The following BBX variants were observed in gnomAD, a reference collection of about 807,000 sequenced individuals.
BBX encodes HMG box transcription factor BBX.
A neutral mutation model predicts 100.2 loss-of-function variants in BBX; 30 were observed. That is an observed-to-expected ratio of 0.30 (90% CI 0.22 to 0.41). The LOEUF (loss-of-function observed/expected upper bound fraction) is 0.41. Among genes scored for constraint, BBX ranks in the 10% least tolerant of loss-of-function variants. The probability of loss-of-function intolerance (pLI) is 1.00; values close to 1 mark genes in which losing one functional copy is unlikely to be tolerated. For synonymous variants in BBX, 376 were observed against 388.1 expected, an observed-to-expected ratio of 0.97 and a Z score of 0.37; for missense variants, 1,023 against 1,129.8, an observed-to-expected ratio of 0.91 and a Z score of 1.35.
At chr3:107,655,090 A>G (rs1050764321) in intron 3 of BBX, among the ~76,000 whole-genome samples, 1 of 152,206 alleles carries the variant, frequency 6.6e-6, no homozygotes, top group African/African-American at 2.4e-5. Context: ...TCTTTATTGA[A>G]TACAAGATGG....
intron 2 of BBX, among the ~76,000 whole-genome samples, chr3:107,603,009 G>T (rs1400342017): frequency 6.6e-6 from 1 of 152,176 alleles, no homozygotes; most frequent in Non-Finnish European, 1.5e-5. Flanking sequence ...TGTCATTCAG[G>T]CTGGAGTGCA....
chr3:107,678,361 T>C (rs2059391822), intron 3 of BBX, among the ~76,000 whole-genome samples: 1 of 152,126 alleles, frequency 6.6e-6, no homozygotes, highest in Non-Finnish European at 1.5e-5. Flanking sequence ...ATCTGGTTAA[T>C]AGTAGGTTCT....
intron 2 of BBX, among the ~76,000 whole-genome samples, chr3:107,553,986 C>T (rs1003882042): frequency 6.6e-6 from 1 of 151,936 alleles, no homozygotes; most frequent in Non-Finnish European, 1.5e-5. Flanking sequence ...AGTTAATTAC[C>T]CTATTTGTCT....
intron 10 of BBX, among the ~76,000 whole-genome samples, chr3:107,770,727 A>G (rs373506548): frequency 2.6e-5 from 4 of 152,268 alleles, no homozygotes; most frequent in African/African-American, 9.6e-5. Flanking sequence ...CTTCCCTGTG[A>G]ATGATCCGAA....
intron 10 of BBX, among the ~76,000 whole-genome samples, chr3:107,771,390 C>G (rs978615490): frequency 1.8e-5 from 2 of 111,518 alleles, no homozygotes; most frequent in Non-Finnish European, 3.8e-5. Context: ...CTTGAATGTT[C>G]TGTACGTGAA....
intron 3 of BBX, among the ~76,000 whole-genome samples, chr3:107,692,323 C>T (rs1347155073): frequency 2.0e-5 from 3 of 151,938 alleles, no homozygotes; most frequent in Non-Finnish European, 4.4e-5. Flanking sequence ...TTACGTATAC[C>T]TCTCAATGCT....
chr3:107,523,229 C>T (rs2047487940), intron 1 of BBX, 122 bp downstream of exon 1: 2 of 223,458 alleles, frequency 9.0e-6, no homozygotes, highest in East Asian at 1.2e-4. Flanking sequence ...GCGGCGGCGG[C>T]GGCGGCGGCG....
chr3:107,634,450 C>T (rs1465068647), intron 2 of BBX, among the ~76,000 whole-genome samples: 1 of 152,096 alleles, frequency 6.6e-6, no homozygotes. Context: ...AAAGCGCGAC[C>T]TAATTAATTA....
At chr3:107,641,087 C>CTTT (rs11403529) in intron 2 of BBX, among the ~76,000 whole-genome samples, 5 of 139,434 alleles carry the variant, frequency 3.6e-5, no homozygotes, top group African/African-American at 7.9e-5. Context: ...TCTTTTCTTT[C>CTTT]TTTTTTTTTT....
intron 2 of BBX, among the ~76,000 whole-genome samples, chr3:107,571,303 C>A (rs536839211): frequency 6.6e-6 from 1 of 152,244 alleles, no homozygotes; most frequent in East Asian, 1.9e-4. Context: ...CCAAGGCAGG[C>A]ATCCCCACGG....
intron 2 of BBX, among the ~76,000 whole-genome samples, chr3:107,612,721 C>T (rs1027649005): frequency 1.3e-5 from 2 of 152,140 alleles, no homozygotes; most frequent in African/African-American, 4.8e-5. Flanking sequence ...TGGGTCTTGC[C>T]GAGGCCTGCT....
chr3:107,664,800 TAGAG>T (rs1485616354), intron 3 of BBX, among the ~76,000 whole-genome samples: 1 of 152,222 alleles, frequency 6.6e-6, no homozygotes, highest in Non-Finnish European at 1.5e-5. Context: ...CTTGTTGAGA[TAGAG>T]AAAGAGTGAC....
intron 13 of BBX, among the ~76,000 whole-genome samples, chr3:107,788,047 A>T (rs572720369): frequency 5.3e-5 from 8 of 152,310 alleles, no homozygotes; most frequent in Non-Finnish European, 1.2e-4. Context: ...CTTTTCATAT[A>T]CACCCAATAT....
chr3:107,731,222 A>G (rs1022188772), intron 6 of BBX, among the ~76,000 whole-genome samples: 3 of 152,214 alleles, frequency 2.0e-5, no homozygotes, highest in Non-Finnish European at 2.9e-5. Context: ...GTATCTATAC[A>G]GCAAACTTCT....
Position 107,773,773 on chromosome 3 carries a change from T to C in BBX, c.1915+137T>C. On this transcript the variant is annotated intron_variant, in intron 11 of 17. Transcript: ENST00000325805. This position sits in a 1 kb window ranked among gnomAD's most constrained non-coding sequence, Gnocchi z 4.1. ...TACATTTGTATATTTCTTTATGGTT[T>C]ATAGATCATAATTATTTGTTACTTT... The C allele has an allele frequency of 2.5e-6, 2 of 808,168 alleles. No homozygotes were observed. The highest frequency in any genetic ancestry group is 3.8e-6 in the Non-Finnish European group (2 of 532,016). 50.1% of individuals were successfully genotyped at this position (808,168 alleles called of 1,614,324 possible).
In BBX at chr3:107,797,364, A is replaced by ATATG. The variant is rs71113691; in HGVS notation, c.2354-1159_2354-1158insTATG. Among the ~76,000 whole-genome samples the ATATG allele has an allele frequency of 2.3e-3, 250 of 109,832 alleles. 19 individuals carry two copies. Among genetic ancestry groups the ATATG allele is most frequent in the South Asian group, 7.4e-3 (25 of 3,362 alleles). 72.1% of individuals were successfully genotyped at this position (109,832 alleles called of 152,430 possible). On this transcript the variant is annotated intron_variant, in intron 15 of 17. Transcript: ENST00000325805. The stretch of plus-strand genomic sequence containing the variant: ...TATATATATATATATATATATATAT[A>ATATG]GCTTTATTGCCAATATCTACCTTCA...
At position 107,809,046 on chromosome 3, in the gene BBX, A is replaced by C. The variant is rs539981180; in HGVS notation, c.*3589A>C. ...TGTGTTCAAATCCTTTTGTTTTCTT[A>C]TTAAGTCAGATGCTACTGTAAGTCA... On this transcript the variant is annotated 3_prime_UTR_variant, in exon 18 of 18. Coordinates refer to ENST00000325805, the MANE Select transcript of BBX (RefSeq NM_001142568.3). 1 of 152,342 alleles carries C rather than the reference A, an allele frequency of 6.6e-6. No homozygotes were observed. Among genetic ancestry groups the C allele is most frequent in the South Asian group, 2.1e-4 (1 of 4,828 alleles). 9.4% of individuals were successfully genotyped at this position (152,342 alleles called of 1,614,324 possible). A position where few individuals can be genotyped will look rare whatever the true frequency, so the allele number is the denominator to read the frequency against.
chr3:107,621,398 A>G (rs2107690612), intron 2 of BBX, among the ~76,000 whole-genome samples: 1 of 152,222 alleles, frequency 6.6e-6, no homozygotes, highest in South Asian at 2.1e-4. Context: ...TGATTGTTTT[A>G]TATATAATGT....
chr3:107,542,941 T>C (rs115396404), intron 2 of BBX, among the ~76,000 whole-genome samples: 18,508 of 152,224 alleles, frequency 0.12, 1,408 homozygotes, highest in Middle Eastern at 0.19. Flanking sequence ...GAGCTTTTTC[T>C]CTATTTGTGT....
Sources: gnomAD v4.1 joint callset for allele counts (sites outside exome capture counted in the v4.1 genomes callset) on GRCh38, gnomAD v4.1.1 for gene constraint, Gnocchi (gnomAD v3.1) non-coding constraint, MANE v1.5 for transcripts, NCBI Gene and HGNC (gene_info 2026-07-23, HGNC 2026-07-21) for gene names.